Variants in CMTM4 observed in about 807,000 individuals in gnomAD.
CMTM4 encodes CKLF like MARVEL transmembrane domain containing 4.
A neutral mutation model predicts 19.0 loss-of-function variants in CMTM4; 8 were observed. That is an observed-to-expected ratio of 0.42 (90% CI 0.25 to 0.76). The LOEUF (loss-of-function observed/expected upper bound fraction) is 0.76, where lower values mean the gene tolerates loss of function less well. CMTM4 is among the 30% of genes least tolerant of loss of function. The pLI, the probability that CMTM4 is intolerant of heterozygous loss-of-function variation, is 0.27. For missense variants in CMTM4, 228 were observed against 290.2 expected, an observed-to-expected ratio of 0.79 and a Z score of 1.56; for synonymous variants, 106 against 121.1, an observed-to-expected ratio of 0.88 and a Z score of 0.82.
At chr16:66,631,793 C>T (rs548503002) in intron 2 of CMTM4, among the ~76,000 whole-genome samples, 1 of 152,152 alleles carries the variant, frequency 6.6e-6, no homozygotes, top group South Asian at 2.1e-4. Flanking sequence ...ACAAACACTG[C>T]GGAAGGCCAC....
intron 1 of CMTM4, among the ~76,000 whole-genome samples, chr16:66,657,116 G>A (rs1000903226): frequency 7.0e-6 from 1 of 142,924 alleles, no homozygotes; most frequent in African/African-American, 2.7e-5. Flanking sequence ...ATGGAGTCTC[G>A]CTCTGTCACC....
At chr16:66,680,608 A>G (rs1386879829) in intron 1 of CMTM4, among the ~76,000 whole-genome samples, 1 of 151,482 alleles carries the variant, frequency 6.6e-6, no homozygotes, top group Non-Finnish European at 1.5e-5. Flanking sequence ...CCCCGTCTCT[A>G]CTAAAAATAC....
chr16:66,619,624 A>G lies in CMTM4; in HGVS notation c.*2434T>C, dbSNP rs1828982392. 4.1e-6 allele frequency: 4 copies of G among 985,344 alleles called. No individual in the cohort carries two copies. The highest frequency in any genetic ancestry group is 5.2e-4 in the Middle Eastern group (1 of 1,914). The allele number at this position is 985,344 out of a possible 1,614,324, so 61.0% of individuals were successfully genotyped here. A position where few individuals can be genotyped will look rare whatever the true frequency, so the allele number is the denominator to read the frequency against. ...ATAAGAAAAATATAGGCGTCTTCAT[A>G]TTCACCTTGGATAACCCTATTCCCT... On this transcript the variant is annotated 3_prime_UTR_variant, in exon 4 of 4. Transcript: ENST00000394106.
the CMTM4 span, among the ~76,000 whole-genome samples, chr16:66,607,339 C>A: frequency 6.6e-6 from 1 of 152,224 alleles, no homozygotes; most frequent in African/African-American, 2.4e-5. Flanking sequence ...GCTGGCCCCA[C>A]CTTTCACAGC....
At position 66,620,981 on chromosome 16, in the gene CMTM4, A is replaced by C. The variant is rs992189562; in HGVS notation, c.*1077T>G. 7.1e-6 allele frequency: 7 copies of C among 985,780 alleles called. No homozygotes were observed. The highest frequency in any genetic ancestry group is 6.1e-5 in the Admixed American group (1 of 16,274). The allele number at this position is 985,780 out of a possible 1,614,324, so 61.1% of individuals were successfully genotyped here. A position where few individuals can be genotyped will look rare whatever the true frequency, so the allele number is the denominator to read the frequency against. On this transcript the variant is annotated 3_prime_UTR_variant, in exon 4 of 4. Coordinates refer to ENST00000394106, the MANE Select transcript of CMTM4 (RefSeq NM_181521.3). ...CAAGAATGATGTCTACAGTTATGAC[A>C]CTGAGGCGCCCAAAGCGACAATTAG...
intron 2 of CMTM4, among the ~76,000 whole-genome samples, chr16:66,624,267 G>A (rs2015693061): frequency 1.3e-5 from 2 of 152,200 alleles, no homozygotes; most frequent in Admixed American, 1.3e-4. Flanking sequence ...AGCTACAGTG[G>A]CCTACATATT....
At chr16:66,680,249 C>T (rs1010255821) in intron 1 of CMTM4, among the ~76,000 whole-genome samples, 3 of 152,076 alleles carry the variant, frequency 2.0e-5, no homozygotes, top group Non-Finnish European at 4.4e-5. Context: ...GAGGCCAAGG[C>T]GTATGGATCA....
At chr16:66,627,316 TCA>T (rs1207017467) in intron 2 of CMTM4, among the ~76,000 whole-genome samples, 1 of 152,218 alleles carries the variant, frequency 6.6e-6, no homozygotes, top group Non-Finnish European at 1.5e-5. Context: ...TTTTCTGCAC[TCA>T]CATATCACAA....
chr16:66,679,823 CAAAAA>C (rs748044272), intron 1 of CMTM4, among the ~76,000 whole-genome samples: 1 of 64,044 alleles, frequency 1.6e-5, no homozygotes, highest in Admixed American at 1.8e-4. Context: ...GACTCTATGT[CAAAAA>C]AAAAAAAAAA....
chr16:66,605,564 T>C, the CMTM4 span: 1 of 151,890 alleles, frequency 6.6e-6, no homozygotes, highest in East Asian at 1.9e-4. The surrounding 1 kb of genome is among the most constrained non-coding windows in gnomAD (Gnocchi z 4.6). Context: ...CTGTCCGCTG[T>C]GGGGTAGGGG....
chr16:66,663,197 A>C (rs559668111), intron 1 of CMTM4, among the ~76,000 whole-genome samples: 4 of 152,348 alleles, frequency 2.6e-5, no homozygotes, highest in Admixed American at 2.0e-4. Context: ...ATAACATAAT[A>C]AACAAATGTC....
At chr16:66,661,679 C>T (rs902872306) in intron 1 of CMTM4, among the ~76,000 whole-genome samples, 4 of 152,094 alleles carry the variant, frequency 2.6e-5, no homozygotes, top group Non-Finnish European at 5.9e-5. Flanking sequence ...TCTGTAATCC[C>T]AGCACTTTGG....
intron 1 of CMTM4, among the ~76,000 whole-genome samples, chr16:66,679,423 A>G (rs1183094495): frequency 6.6e-6 from 1 of 152,126 alleles, no homozygotes; most frequent in Non-Finnish European, 1.5e-5. Flanking sequence ...TGACTCTGAG[A>G]GATGTGACCC....
intron 1 of CMTM4, among the ~76,000 whole-genome samples, chr16:66,670,869 G>C (rs1490434234): frequency 6.6e-6 from 1 of 152,022 alleles, no homozygotes; most frequent in African/African-American, 2.4e-5. Flanking sequence ...GAAGCAAACT[G>C]TGGTATGTGT....
At position 66,663,308 on chromosome 16, in the gene CMTM4, T is replaced by C. The variant is rs182877289; in HGVS notation, c.187-26727A>G. Among the ~76,000 whole-genome samples the C allele has an allele frequency of 2.6e-5, 4 of 152,100 alleles. No individual in the cohort carries two copies. The East Asian group carries it at 5.8e-4, about 22-fold the overall frequency. On this transcript the variant is annotated intron_variant, in intron 1 of 3. Coordinates refer to ENST00000394106, the MANE Select transcript of CMTM4 (RefSeq NM_181521.3). ...AGATGCCAATGCCAAGATGACACAGTTGTTGGAATTATCAGATTGTAAAGC... is the reference window on the plus strand; with the variant it reads ...AGATGCCAATGCCAAGATGACACAGCTGTTGGAATTATCAGATTGTAAAGC...
intron 1 of CMTM4, among the ~76,000 whole-genome samples, chr16:66,645,491 T>G (rs1459390019): frequency 1.3e-5 from 2 of 149,358 alleles, no homozygotes; most frequent in Non-Finnish European, 3.0e-5. Context: ...GGCAGAGAAC[T>G]GCTTGAACCC....
chr16:66,656,692 G>A (rs1327630243), intron 1 of CMTM4, among the ~76,000 whole-genome samples: 2 of 151,868 alleles, frequency 1.3e-5, no homozygotes, highest in East Asian at 1.9e-4. Flanking sequence ...GAGAATCTGG[G>A]CAGACATCCC....
intron 1 of CMTM4, among the ~76,000 whole-genome samples, chr16:66,683,147 GTA>G (rs1336410232): frequency 2.2e-3 from 213 of 96,278 alleles, no homozygotes; most frequent in African/African-American, 5.6e-3. Flanking sequence ...ATATATATAT[GTA>G]TATATATATA....
intron 2 of CMTM4, among the ~76,000 whole-genome samples, chr16:66,627,652 G>A (rs1334262247): frequency 6.6e-6 from 1 of 151,824 alleles, no homozygotes; most frequent in Non-Finnish European, 1.5e-5. Context: ...TTTCCTGTGT[G>A]TGAAATCTGC....
Sources: gnomAD v4.1 joint callset for allele counts (sites outside exome capture counted in the v4.1 genomes callset) on GRCh38, gnomAD v4.1.1 for gene constraint, Gnocchi (gnomAD v3.1) non-coding constraint, MANE v1.5 for transcripts, NCBI Gene and HGNC (gene_info 2026-07-23, HGNC 2026-07-21) for gene names.